Variants in EMCN observed in about 807,000 individuals in gnomAD.
EMCN encodes the protein MUC-14.
A neutral mutation model predicts 38.4 loss-of-function variants in EMCN; 37 were observed. That is an observed-to-expected ratio of 0.96 (90% CI 0.74 to 1.27). EMCN has a LOEUF of 1.27. Among genes scored for constraint, EMCN ranks in the 50% most tolerant of loss-of-function variants. The pLI is 0.00. For missense variants in EMCN, 318 were observed against 302.8 expected, an observed-to-expected ratio of 1.05 and a Z score of -0.37; for synonymous variants, 95 against 100.8, an observed-to-expected ratio of 0.94 and a Z score of 0.35.
At chr4:100,470,710 A>G (rs1468714401) in intron 3 of EMCN, among the ~76,000 whole-genome samples, 1 of 152,078 alleles carries the variant, frequency 6.6e-6, no homozygotes, top group Non-Finnish European at 1.5e-5. Context: ...GCTATAAAAA[A>G]GAATGAGATC....
At chr4:100,471,267 T>A (rs1027103024) in intron 3 of EMCN, among the ~76,000 whole-genome samples, 2 of 151,946 alleles carry the variant, frequency 1.3e-5, no homozygotes, top group Admixed American at 1.3e-4. Context: ...GGATTCATTA[T>A]TACCAACCTT....
At chr4:100,496,983 C>T (rs1231486090) in intron 1 of EMCN, among the ~76,000 whole-genome samples, 3 of 151,790 alleles carry the variant, frequency 2.0e-5, no homozygotes, top group African/African-American at 7.3e-5. Context: ...TTCTCTCTTT[C>T]CTTTTTTTTT....
chr4:100,416,827 C>G (rs1226830901), intron 9 of EMCN, among the ~76,000 whole-genome samples: 1 of 152,146 alleles, frequency 6.6e-6, no homozygotes, highest in Non-Finnish European at 1.5e-5. Context: ...CACTGGGAAA[C>G]TATTTTAAAA....
At chr4:100,487,917 C>A (rs1728982425) in intron 1 of EMCN, among the ~76,000 whole-genome samples, 1 of 152,154 alleles carries the variant, frequency 6.6e-6, no homozygotes, top group African/African-American at 2.4e-5. Context: ...TAGCCACTTA[C>A]AATCTTAATT....
intron 1 of EMCN, among the ~76,000 whole-genome samples, chr4:100,516,270 C>G (rs896145054): frequency 6.6e-6 from 1 of 152,034 alleles, no homozygotes; most frequent in African/African-American, 2.4e-5. Flanking sequence ...TTTCTTAAGG[C>G]CAGGTATTGC....
chr4:100,473,375 T>TTG (rs1728542309), intron 3 of EMCN, among the ~76,000 whole-genome samples: 3 of 123,102 alleles, frequency 2.4e-5, no homozygotes, highest in Admixed American at 8.4e-5. Flanking sequence ...GTTTTTTTGT[T>TTG]TTTTTTTTTT....
At position 100,431,694 on chromosome 4, in the gene EMCN, T is replaced by G. The variant is rs73833329; in HGVS notation, c.416-8290A>C. On this transcript the variant is annotated intron_variant, in intron 5 of 11. Coordinates refer to ENST00000296420, the MANE Select transcript of EMCN (RefSeq NM_016242.4). ...AGTCTTTAGACCTCTCAGCCTCTAT[T>G]ATCACATGAGCCAATTCTTACAATA... 6.3e-3 allele frequency among the ~76,000 whole-genome samples: 963 copies of G among 151,986 alleles called. 11 individuals are homozygous for G. Among genetic ancestry groups the G allele is most frequent in the African/African-American group, 0.021 (886 of 41,462 alleles).
Position 100,416,130 on chromosome 4 carries a change from A to C in EMCN, c.690-171T>G, listed in dbSNP as rs576682303. 2.9e-3 allele frequency among the ~76,000 whole-genome samples: 440 copies of C among 152,018 alleles called. 4 individuals are homozygous for C. The highest frequency in any genetic ancestry group is 0.017 in the South Asian group (82 of 4,822). On this transcript the variant is annotated intron_variant, in intron 9 of 11. Transcript: ENST00000296420. ...TATACATACATATATATATATATATATCTCCATGGCAAGAACTTTGTCTTT... is the reference window on the plus strand; with the variant it reads ...TATACATACATATATATATATATATCTCTCCATGGCAAGAACTTTGTCTTT...
intron 11 of EMCN, among the ~76,000 whole-genome samples, chr4:100,406,590 C>T (rs756438958): frequency 2.9e-4 from 44 of 151,992 alleles, no homozygotes; most frequent in Admixed American, 2.0e-4. Context: ...GTGCTGTGGT[C>T]GGAGAATGTG....
chr4:100,412,294 G>T (rs1726585547), intron 10 of EMCN, among the ~76,000 whole-genome samples: 1 of 152,098 alleles, frequency 6.6e-6, no homozygotes, highest in Non-Finnish European at 1.5e-5. Context: ...ACATGCTAAG[G>T]TGTTTGAACT....
intron 2 of EMCN, among the ~76,000 whole-genome samples, chr4:100,479,408 T>A (rs1728748085): frequency 6.6e-6 from 1 of 152,154 alleles, no homozygotes; most frequent in Non-Finnish European, 1.5e-5. Context: ...AACATTTTTG[T>A]GGATGGTAAA....
chr4:100,439,550 G>T (rs1421505311), intron 5 of EMCN, among the ~76,000 whole-genome samples: 1 of 148,344 alleles, frequency 6.7e-6, no homozygotes, highest in Non-Finnish European at 1.5e-5. Context: ...CCAGCTAAAG[G>T]TTTATCCATT....
chr4:100,423,807 C>T (rs992494106), intron 5 of EMCN, among the ~76,000 whole-genome samples: 1 of 151,956 alleles, frequency 6.6e-6, no homozygotes, highest in African/African-American at 2.4e-5. Context: ...ATGATCATAA[C>T]TGCACAGGAC....
At chr4:100,461,442 G>A (rs758762103) in intron 4 of EMCN, among the ~76,000 whole-genome samples, 4 of 152,128 alleles carry the variant, frequency 2.6e-5, no homozygotes, top group South Asian at 2.1e-4. Flanking sequence ...AATATACAAC[G>A]ATTTATCACA....
chr4:100,400,353 A>ATT (rs3214622), intron 11 of EMCN, among the ~76,000 whole-genome samples: 58 of 146,810 alleles, frequency 4.0e-4, no homozygotes, highest in African/African-American at 8.0e-4. Context: ...CCTAGGCCAC[A>ATT]TTTTTTTTTT....
chr4:100,402,781 C>A (rs1412746791), intron 11 of EMCN, among the ~76,000 whole-genome samples: 1 of 152,146 alleles, frequency 6.6e-6, no homozygotes, highest in Non-Finnish European at 1.5e-5. Flanking sequence ...CGAAGATCAA[C>A]ACTGTTCCTT....
At chr4:100,459,388 T>C (rs1241091075) in intron 4 of EMCN, among the ~76,000 whole-genome samples, 3 of 152,182 alleles carry the variant, frequency 2.0e-5, no homozygotes, top group Non-Finnish European at 4.4e-5. Flanking sequence ...GATTAACATA[T>C]GATCTCACAT....
Position 100,470,164 on chromosome 4 carries a change from C to T in EMCN, c.260-4625G>A, listed in dbSNP as rs151322417. Among the ~76,000 whole-genome samples, 263 of 151,640 alleles carry T rather than the reference C, an allele frequency of 1.7e-3. 1 individual carries two copies. The highest frequency in any genetic ancestry group is 5.6e-3 in the African/African-American group (231 of 41,416). ...TGCATCCAACAAAAGTCTAATATTC[C>T]GCATCTATAAGGAATTTAAATTTAC... On this transcript the variant is annotated intron_variant, in intron 3 of 11. Transcript: ENST00000296420.
At chr4:100,432,195 T>C (rs1224022278) in intron 5 of EMCN, among the ~76,000 whole-genome samples, 1 of 152,084 alleles carries the variant, frequency 6.6e-6, no homozygotes. Flanking sequence ...GCTAGAAAAA[T>C]GAGTAGGTAG....
Sources: allele counts gnomAD v4.1 joint callset (sites outside exome capture counted in the v4.1 genomes callset), GRCh38; gene constraint gnomAD v4.1.1; transcripts MANE v1.5; gene names NCBI Gene and HGNC (gene_info 2026-07-23, HGNC 2026-07-21).